FKBP9: variants seen among roughly 807,000 people sequenced by gnomAD.
The protein encoded by FKBP9 is peptidyl-prolyl cis-trans isomerase FKBP9.
FKBP9 carries 27 observed loss-of-function variants against 55.6 expected under a neutral mutation model. The ratio of observed to expected loss-of-function variants is 0.49; its 90% confidence interval spans 0.36 to 0.67. FKBP9 has a LOEUF of 0.67. Among genes scored for constraint, FKBP9 ranks in the 30% least tolerant of loss-of-function variants. The probability of loss-of-function intolerance (pLI) is 0.00; values close to 1 mark genes in which losing one functional copy is unlikely to be tolerated. For missense variants in FKBP9, 539 were observed against 742.8 expected (o/e 0.73, Z 3.19); for synonymous variants, 267 against 296.5 (o/e 0.90, Z 1.02).
intron 1 of FKBP9, among the ~76,000 whole-genome samples, chr7:32,973,374 T>A (rs1008226747): frequency 3.3e-5 from 5 of 152,288 alleles, no homozygotes; most frequent in African/African-American, 1.2e-4. Flanking sequence ...ATACTTTCTA[T>A]TACCTGTGAT....
rs5883378 is a variant in FKBP9 at position 32,974,361 on chromosome 7, A to AT, written c.222-242dup. On this transcript the variant is annotated intron_variant, in intron 1 of 9. Transcript: ENST00000242209. ...CTATTTTGCAAAATCAGTTTAACAC[A>AT]TTTTTTTTTTTTTTGGAGAGAGTTA... Among the ~76,000 whole-genome samples, 1,672 of 145,414 alleles carry AT rather than the reference A, an allele frequency of 0.011. 99 individuals carry two copies. The East Asian group carries it at 0.17, about 15-fold the overall frequency.
intron 4 of FKBP9, among the ~76,000 whole-genome samples, chr7:32,976,821 G>A (rs188352188): frequency 1.3e-5 from 2 of 152,274 alleles, no homozygotes; most frequent in African/African-American, 4.8e-5. Context: ...TCTGCTGTCT[G>A]ATGATTGAGT....
chr7:33,002,156 T>C (rs1784946362), intron 8 of FKBP9: 1 of 152,730 alleles, frequency 6.5e-6, no homozygotes, highest in Admixed American at 6.5e-5. Flanking sequence ...TTTTTTGAGA[T>C]GGAGTCTCAC....
intron 5 of FKBP9, among the ~76,000 whole-genome samples, chr7:32,986,868 G>C (rs773930775): frequency 6.6e-6 from 1 of 152,226 alleles, no homozygotes; most frequent in Non-Finnish European, 1.5e-5. Context: ...GGCACCAGGT[G>C]GTGTGGGGAA....
At chr7:32,960,117 T>C (rs1197581036) in intron 1 of FKBP9, among the ~76,000 whole-genome samples, 1 of 148,518 alleles carries the variant, frequency 6.7e-6, no homozygotes, top group Non-Finnish European at 1.5e-5. Context: ...TCTTTTTTTT[T>C]TTTTTTTTTT....
intron 1 of FKBP9, among the ~76,000 whole-genome samples, chr7:32,973,029 C>G (rs1226521506): frequency 6.6e-6 from 1 of 152,164 alleles, no homozygotes; most frequent in East Asian, 1.9e-4. Context: ...GCATTGTAAC[C>G]TGCCCTTTAC....
chr7:32,979,129 C>T (rs1357016452), intron 4 of FKBP9, among the ~76,000 whole-genome samples: 15 of 152,028 alleles, frequency 9.9e-5, no homozygotes, highest in African/African-American at 3.4e-4. Flanking sequence ...TTTAGCCAGG[C>T]GTGGTGGCAG....
intron 5 of FKBP9, among the ~76,000 whole-genome samples, chr7:32,983,028 G>GTGTGTC (rs1784512564): frequency 6.7e-6 from 1 of 149,384 alleles, no homozygotes; most frequent in Non-Finnish European, 1.5e-5. Context: ...GTGTGTCTAT[G>GTGTGTC]TGTGTGTGTT....
In FKBP9 at chr7:32,985,301, C is replaced by G. The variant is rs542862359; in HGVS notation, c.894-3206C>G. ...AGCGATTCTCCTGCCCTCAGCCTCC[C>G]GAGTAGCTGGGATTACAGGCACATG... On this transcript the variant is annotated intron_variant, in intron 5 of 9. Transcript: ENST00000242209. 9.2e-5 allele frequency among the ~76,000 whole-genome samples: 14 copies of G among 151,870 alleles called. No homozygotes were observed. The South Asian group carries it at 1.5e-3, about 16-fold the overall frequency.
intron 6 of FKBP9, among the ~76,000 whole-genome samples, chr7:32,993,459 T>C (rs1258125974): frequency 2.6e-5 from 4 of 152,212 alleles, no homozygotes; most frequent in African/African-American, 9.6e-5. Context: ...AATCATACAA[T>C]ATTTCTCTTT....
chr7:32,996,147 C>T lies in FKBP9; in HGVS notation c.1040-16C>T, dbSNP rs1405586877. The T allele has an allele frequency of 1.2e-5, 20 of 1,612,318 alleles. No homozygotes were observed. Among genetic ancestry groups the T allele is most frequent in the Non-Finnish European group, 1.4e-5 (16 of 1,178,806 alleles). On this transcript the variant is annotated splice_polypyrimidine_tract_variant and intron_variant, in intron 6 of 9. Transcript: ENST00000242209. ...CTGCAGGGGTCATTCATTAATTCCC[C>T]GTGTCTGTCCTTTAGGGAATATCCC...
intron 1 of FKBP9, among the ~76,000 whole-genome samples, chr7:32,959,603 C>T (rs1783979004): frequency 1.3e-5 from 2 of 152,152 alleles, no homozygotes; most frequent in Non-Finnish European, 2.9e-5. Context: ...CATTATCAGT[C>T]ACTCCCCAAC....
In FKBP9 at chr7:33,006,834, G is replaced by A. The variant is rs1275088875; in HGVS notation, c.*1483G>A. 2 of 194,550 alleles carry A rather than the reference G, an allele frequency of 1.0e-5. No homozygotes were observed. The highest frequency in any genetic ancestry group is 4.6e-5 in the African/African-American group (2 of 43,110). 12.1% of individuals were successfully genotyped at this position (194,550 alleles called of 1,614,324 possible). On this transcript the variant is annotated 3_prime_UTR_variant, in exon 10 of 10. Coordinates refer to ENST00000242209, the MANE Select transcript of FKBP9 (RefSeq NM_007270.5). ...CTAATTTAAACTATTTTGTACTGAT[G>A]TAGCCCTGAGGTAGTTCATGAAAAT...
chr7:32,999,944 A>G (rs956995618), intron 7 of FKBP9, among the ~76,000 whole-genome samples, 171 bp from the exon 8 acceptor site: 7 of 151,972 alleles, frequency 4.6e-5, no homozygotes, highest in Admixed American at 1.3e-4. Context: ...ACAGCCAGAC[A>G]TTTTTCAGCA....
chr7:32,983,670 G>T (rs989324579), intron 5 of FKBP9, among the ~76,000 whole-genome samples: 4 of 152,126 alleles, frequency 2.6e-5, no homozygotes, highest in African/African-American at 9.7e-5. Context: ...CTCAAGGAAG[G>T]TTTTACTCAG....
intron 6 of FKBP9, among the ~76,000 whole-genome samples, chr7:32,993,999 C>G: frequency 6.6e-6 from 1 of 152,106 alleles, no homozygotes; most frequent in East Asian, 1.9e-4. Context: ...TATGAGTGTA[C>G]AAATATCTGT....
intron 5 of FKBP9, among the ~76,000 whole-genome samples, chr7:32,985,966 C>T (rs986344673): frequency 6.6e-6 from 1 of 152,124 alleles, no homozygotes; most frequent in African/African-American, 2.4e-5. Flanking sequence ...GCACTCCAGC[C>T]TCAGCAACAG....
Position 33,005,195 on chromosome 7 carries a change from C to T in FKBP9, c.1557C>T (p.Ala519=), listed in dbSNP as rs1402937951. 53 of 1,613,774 alleles carry T rather than the reference C, an allele frequency of 3.3e-5. No individual in the cohort carries two copies. Among genetic ancestry groups the T allele is most frequent in the Non-Finnish European group, 4.5e-5 (53 of 1,179,860 alleles). ...LLEEFSEYIH[A]QVASGKGKLA... is the part of the protein sequence containing the mutation. ...TCCAGTTCTCAGAGTACATTCACGC[C>T]CAGGTGGCATCTGGCAAAGGGAAAC... Residue 519 remains alanine (A), a synonymous_variant, in exon 10 of 10, where the codon GCC becomes GCT. Transcript: ENST00000242209.
At chr7:32,982,390 C>T (rs970597157) in intron 5 of FKBP9, among the ~76,000 whole-genome samples, 19 of 152,242 alleles carry the variant, frequency 1.2e-4, no homozygotes, top group African/African-American at 3.4e-4. Flanking sequence ...TTAAATTATA[C>T]GGATTTCAGA....
Sources: gnomAD v4.1 joint callset for allele counts (sites outside exome capture counted in the v4.1 genomes callset) on GRCh38, gnomAD v4.1.1 for gene constraint, MANE v1.5 for transcripts, NCBI Gene and HGNC (gene_info 2026-07-23, HGNC 2026-07-21) for gene names.